The following KIRREL1 variants were observed in gnomAD, a reference collection of about 807,000 sequenced individuals.
KIRREL1 encodes kirre like nephrin family adhesion molecule 1.
A neutral mutation model predicts 83.3 loss-of-function variants in KIRREL1; 25 were observed. That is an observed-to-expected ratio of 0.30 (90% CI 0.22 to 0.42). The LOEUF is 0.42. Among genes scored for constraint, KIRREL1 ranks in the 10% least tolerant of loss-of-function variants. The pLI is 1.00. For synonymous variants in KIRREL1, 388 were observed against 410.4 expected, an observed-to-expected ratio of 0.95 and a Z score of 0.66; for missense variants, 812 against 1,032.3, an observed-to-expected ratio of 0.79 and a Z score of 2.92.
intron 1 of KIRREL1, chr1:158,031,087 T>C (rs1660309258): frequency 6.6e-6 from 1 of 151,882 alleles, no homozygotes; most frequent in African/African-American, 2.4e-5. Context: ...GAGGTTTTAT[T>C]CCCCCCAACA....
intron 1 of KIRREL1, among the ~76,000 whole-genome samples, chr1:158,008,111 G>A (rs1477766205): frequency 1.3e-5 from 2 of 152,084 alleles, no homozygotes; most frequent in Admixed American, 1.3e-4. Context: ...ACAGTCTCCT[G>A]GGCACGCAGC....
intron 2 of KIRREL1, among the ~76,000 whole-genome samples, chr1:158,077,184 T>A (rs1342798506): frequency 6.6e-6 from 1 of 152,218 alleles, no homozygotes; most frequent in Non-Finnish European, 1.5e-5. Flanking sequence ...GATTATTTGC[T>A]GTGAGTTCCA....
At chr1:158,074,036 A>C (rs930196131) in intron 1 of KIRREL1, among the ~76,000 whole-genome samples, 2 of 152,200 alleles carry the variant, frequency 1.3e-5, no homozygotes, top group Non-Finnish European at 2.9e-5. Context: ...ATATAGCTGC[A>C]CTAGAGAAAT....
At chr1:158,029,645 A>T (rs1660269110) in intron 1 of KIRREL1, among the ~76,000 whole-genome samples, 1 of 152,166 alleles carries the variant, frequency 6.6e-6, no homozygotes, top group African/African-American at 2.4e-5. Flanking sequence ...CACCTGTAAT[A>T]TAGGAGAGAG....
At chr1:158,044,302 G>A (rs978294697) in intron 1 of KIRREL1, among the ~76,000 whole-genome samples, 1 of 152,162 alleles carries the variant, frequency 6.6e-6, no homozygotes, top group African/African-American at 2.4e-5. Context: ...CCTGCATCTG[G>A]GAGGGGACAG....
chr1:158,077,637 C>A (rs1006648602), intron 2 of KIRREL1, among the ~76,000 whole-genome samples: 1 of 152,194 alleles, frequency 6.6e-6, no homozygotes, highest in Non-Finnish European at 1.5e-5. Flanking sequence ...TATTTCCTGG[C>A]GCCCACACAC....
chr1:158,084,428 C>A lies in KIRREL1; in HGVS notation c.359C>A (p.Pro120Gln). 1 of 1,551,664 alleles carries A rather than the reference C, an allele frequency of 6.4e-7. No individual in the cohort carries two copies. Among genetic ancestry groups the A allele is most frequent in the Non-Finnish European group, 8.7e-7 (1 of 1,146,952 alleles). Residue 120 changes from proline (P) to glutamine (Q), a missense_variant, in exon 4 of 15, where the codon CCA (proline) becomes CAA (glutamine). By Grantham distance (76) the Pro-to-Gln change is moderately conservative. This residue lies in a region of KIRREL1 where 472 missense variants were observed against 626.8 expected (regional missense o/e 0.75). Coordinates refer to ENST00000359209, the MANE Select transcript of KIRREL1 (RefSeq NM_018240.7). ...GCTCTGCTTTCTCCCACAGTCCCCC[C>A]AGAGGACACCAGGATTGACGGAGGC... ...RRAKLTVLIP[P>Q]EDTRIDGGPV...
In KIRREL1 at chr1:158,029,921, G is replaced by A. The variant is rs1255698016; in HGVS notation, c.52+36193G>A. ...TAATTTTATATTTTTAGTAGGTAAT[G>A]TACGTAGTACAAAATATAAAAACTA... On this transcript the variant is annotated intron_variant, in intron 1 of 14. Coordinates refer to ENST00000359209, the MANE Select transcript of KIRREL1 (RefSeq NM_018240.7). Among the ~76,000 whole-genome samples, 4 of 152,128 alleles carry A rather than the reference G, an allele frequency of 2.6e-5. No homozygotes were observed. The East Asian group carries it at 7.7e-4, about 29-fold the overall frequency.
chr1:158,002,171 G>C (rs1393089904), intron 1 of KIRREL1, among the ~76,000 whole-genome samples: 1 of 152,200 alleles, frequency 6.6e-6, no homozygotes, highest in African/African-American at 2.4e-5. Flanking sequence ...TTTCCTCTGA[G>C]AATACTTCAG....
intron 1 of KIRREL1, among the ~76,000 whole-genome samples, chr1:158,059,294 C>G (rs1661148668): frequency 6.6e-6 from 1 of 152,126 alleles, no homozygotes; most frequent in African/African-American, 2.4e-5. Flanking sequence ...TTTTCCGGAG[C>G]CTCACAGCCT....
At chr1:158,070,709 G>A (rs1335220842) in intron 1 of KIRREL1, among the ~76,000 whole-genome samples, 4 of 152,134 alleles carry the variant, frequency 2.6e-5, no homozygotes, top group Admixed American at 2.6e-4. Flanking sequence ...TGTGTGTGGT[G>A]AGGGTTGTGG....
rs1055244977 is a variant in KIRREL1, at chr1:158,043,152, C to T, written c.53-32961C>T. Among the ~76,000 whole-genome samples the T allele has an allele frequency of 5.3e-5, 8 of 151,460 alleles. 1 individual carries two copies. Among genetic ancestry groups the T allele is most frequent in the Admixed American group, 1.3e-4 (2 of 15,232 alleles). On this transcript the variant is annotated intron_variant, in intron 1 of 14. Coordinates refer to ENST00000359209, the MANE Select transcript of KIRREL1 (RefSeq NM_018240.7). ...GAGGGTGGGGGCACTCCAACACCTACTGCGAGGAAGCAGTGCTGGAGAGAG... is the reference window on the plus strand; with the variant it reads ...GAGGGTGGGGGCACTCCAACACCTATTGCGAGGAAGCAGTGCTGGAGAGAG...
At position 158,084,321 on chromosome 1, in the gene KIRREL1, C is replaced by T. The variant is rs1341339562; in HGVS notation, c.353-101C>T. 1.9e-5 allele frequency: 22 copies of T among 1,174,846 alleles called. 1 individual carries two copies. The South Asian group carries it at 2.5e-4, about 14-fold the overall frequency. The allele number at this position is 1,174,846 out of a possible 1,614,324, so 72.8% of individuals were successfully genotyped here. On this transcript the variant is annotated intron_variant, in intron 3 of 14. Coordinates refer to ENST00000359209, the MANE Select transcript of KIRREL1 (RefSeq NM_018240.7). ...TAGGGTGGTACCGCCTACCTAGAGGCGCACATGCAGGTGGAAGGATGCTTC... is the reference window on the plus strand; with the variant it reads ...TAGGGTGGTACCGCCTACCTAGAGGTGCACATGCAGGTGGAAGGATGCTTC...
intron 1 of KIRREL1, among the ~76,000 whole-genome samples, chr1:158,043,706 G>C (rs1290905758): frequency 6.6e-6 from 1 of 152,170 alleles, no homozygotes; most frequent in Non-Finnish European, 1.5e-5. Context: ...CCCCTGCTTA[G>C]GGGGAAAGAG....
chr1:158,029,370 C>T (rs1212717077), intron 1 of KIRREL1, among the ~76,000 whole-genome samples: 553 of 10,360 alleles, frequency 0.053, 6 homozygotes, highest in East Asian at 0.19. Flanking sequence ...TGTGTGTGCA[C>T]GTGCGCGCGC....
At position 157,997,468 on chromosome 1, in the gene KIRREL1, GGT is replaced by G. The variant is rs58719060; in HGVS notation, c.52+3761_52+3762del. On this transcript the variant is annotated intron_variant, in intron 1 of 14. Coordinates refer to ENST00000359209, the MANE Select transcript of KIRREL1 (RefSeq NM_018240.7). ...TTCTTCTCCCTATGATTCTTTGTGG[GGT>G]GTGTGTGTGTGTGTGTGTGTTTTCT... Among the ~76,000 whole-genome samples the G allele has an allele frequency of 3.1e-3, 464 of 149,578 alleles. 1 individual carries two copies. Among genetic ancestry groups the G allele is most frequent in the African/African-American group, 0.011 (437 of 40,850 alleles).
intron 1 of KIRREL1, among the ~76,000 whole-genome samples, chr1:158,029,028 C>T (rs138296458): frequency 1.9e-4 from 29 of 152,262 alleles, no homozygotes; most frequent in Non-Finnish European, 3.5e-4. Context: ...GCGTCTGGCT[C>T]AGTGTGGATG....
chr1:158,031,354 CAT>C (rs1474416863), intron 1 of KIRREL1, among the ~76,000 whole-genome samples: 2 of 151,590 alleles, frequency 1.3e-5, no homozygotes, highest in South Asian at 2.1e-4. Flanking sequence ...CACACACACA[CAT>C]GCACACACAC....
rs1263713156 is a variant in KIRREL1 at position 157,993,665 on chromosome 1, C to T, written c.-12C>T. Reference sequence around the variant, plus strand: ...GCCCCAGCCGCGGGCGGGCGCACGGCGGGCGGACAGCATGCTGAGCCTCCT... The same window carrying T: ...GCCCCAGCCGCGGGCGGGCGCACGGTGGGCGGACAGCATGCTGAGCCTCCT... On this transcript the variant is annotated 5_prime_UTR_variant, in exon 1 of 15. Coordinates refer to ENST00000359209, the MANE Select transcript of KIRREL1 (RefSeq NM_018240.7). The T allele has an allele frequency of 3.4e-6, 5 of 1,476,022 alleles. No individual in the cohort carries two copies. The African/African-American group carries it at 5.9e-5, about 17-fold the overall frequency. The allele number at this position is 1,476,022 out of a possible 1,614,324, so 91.4% of individuals were successfully genotyped here.
Sources: allele counts gnomAD v4.1 joint callset (sites outside exome capture counted in the v4.1 genomes callset), GRCh38; gene constraint gnomAD v4.1.1; regional missense constraint gnomAD v4.1.1; transcripts MANE v1.5; gene names NCBI Gene and HGNC (gene_info 2026-07-23, HGNC 2026-07-21).